Variants in ANKH observed in about 807,000 individuals in gnomAD.
ANKH encodes the protein mineralization regulator ANKH.
ANKH carries 15 observed loss-of-function variants against 49.0 expected under a neutral mutation model. The ratio of observed to expected loss-of-function variants is 0.31; its 90% CI spans 0.20 to 0.47. The LOEUF (loss-of-function observed/expected upper bound fraction) is 0.47. Among genes scored for constraint, ANKH ranks in the 20% least tolerant of loss-of-function variants. The probability of loss-of-function intolerance (pLI) is 1.00; values close to 1 mark genes in which losing one functional copy is unlikely to be tolerated. For missense variants in ANKH, 429 were observed against 652.0 expected (o/e 0.66, Z 3.72); for synonymous variants, 273 against 260.0 (o/e 1.05, Z -0.48).
chr5:14,871,072 T>C lies in ANKH; in HGVS notation c.96+280A>G, dbSNP rs977073380. 23 of 560,044 alleles carry C rather than the reference T, an allele frequency of 4.1e-5. No homozygotes were observed. The Admixed American group carries it at 5.1e-4, about 12-fold the overall frequency. 34.7% of individuals were successfully genotyped at this position (560,044 alleles called of 1,614,324 possible). On this transcript the variant is annotated intron_variant, in intron 1 of 11. Coordinates refer to ENST00000284268, the MANE Select transcript of ANKH (RefSeq NM_054027.6). The stretch of plus-strand genomic sequence containing the variant: ...GAGGTTTACATAATCGCAAATTACA[T>C]AATACTGCCGTGCACTAAAAACCCT...
intron 8 of ANKH, among the ~76,000 whole-genome samples, chr5:14,723,283 T>TAAAGTAAA (rs1737725549): frequency 6.6e-6 from 1 of 151,344 alleles, no homozygotes; most frequent in Non-Finnish European, 1.5e-5. Flanking sequence ...GTAATGTGAG[T>TAAAGTAAA]GAGGGTGAGG....
chr5:14,793,820 C>T (rs921712801), intron 1 of ANKH, among the ~76,000 whole-genome samples: 5 of 152,188 alleles, frequency 3.3e-5, no homozygotes, highest in Admixed American at 2.0e-4. Context: ...TTTGCTCTCT[C>T]GTGGGGCAGT....
At chr5:14,722,100 C>A (rs1235084314) in intron 8 of ANKH, among the ~76,000 whole-genome samples, 1 of 152,084 alleles carries the variant, frequency 6.6e-6, no homozygotes, top group East Asian at 1.9e-4. Context: ...TTTAGAAGTT[C>A]CCTTGACAAA....
intron 3 of ANKH, among the ~76,000 whole-genome samples, chr5:14,756,651 C>G (rs576941148): frequency 6.6e-6 from 1 of 152,206 alleles, no homozygotes; most frequent in South Asian, 2.1e-4. Flanking sequence ...AGATTTTGTA[C>G]AGCAACAGCT....
intron 1 of ANKH, among the ~76,000 whole-genome samples, chr5:14,816,790 G>C (rs1741052303): frequency 6.6e-6 from 1 of 152,102 alleles, no homozygotes; most frequent in Admixed American, 6.5e-5. Context: ...AGTCAACACT[G>C]CAAGCCACGA....
At chr5:14,861,123 A>C (rs1735475932) in intron 1 of ANKH, among the ~76,000 whole-genome samples, 1 of 152,152 alleles carries the variant, frequency 6.6e-6, no homozygotes, top group Non-Finnish European at 1.5e-5. Context: ...AAGCTTACTA[A>C]TGTGGACTCA....
chr5:14,835,118 G>T (rs1741615781), intron 1 of ANKH, among the ~76,000 whole-genome samples: 1 of 152,190 alleles, frequency 6.6e-6, no homozygotes, highest in Admixed American at 6.5e-5. Flanking sequence ...TTATGGTGAT[G>T]TAATCTTTAC....
At chr5:14,819,937 AC>A (rs1741153350) in intron 1 of ANKH, among the ~76,000 whole-genome samples, 1 of 145,872 alleles carries the variant, frequency 6.9e-6, no homozygotes, top group Non-Finnish European at 1.5e-5. Context: ...ACACACACAC[AC>A]ATTAAGCCTA....
chr5:14,870,787 GA>G (rs148679682), intron 1 of ANKH: 13 of 142,796 alleles, frequency 9.1e-5, no homozygotes, highest in African/African-American at 2.7e-4. Flanking sequence ...AAGAAAGAAA[GA>G]AAAAAAAAGA....
rs189882515 is a variant in ANKH at position 14,785,824 on chromosome 5, G to A, written c.97-16633C>T. 3.1e-3 allele frequency among the ~76,000 whole-genome samples: 469 copies of A among 152,170 alleles called. 2 individuals carry two copies. The highest frequency in any genetic ancestry group is 4.5e-3 in the Non-Finnish European group (306 of 68,006). On this transcript the variant is annotated intron_variant, in intron 1 of 11. Coordinates refer to ENST00000284268, the MANE Select transcript of ANKH (RefSeq NM_054027.6). ...AATCCCAGCACTTTGGGAGGCTGAGGTGGGTGGATTACAAGGTCAGGAGTT... is the reference window on the plus strand; with the variant it reads ...AATCCCAGCACTTTGGGAGGCTGAGATGGGTGGATTACAAGGTCAGGAGTT...
intron 8 of ANKH, among the ~76,000 whole-genome samples, chr5:14,728,403 G>A (rs1276122411): frequency 6.6e-6 from 1 of 152,188 alleles, no homozygotes; most frequent in Non-Finnish European, 1.5e-5. Flanking sequence ...TACTGTGAGG[G>A]GCACCAAATG....
chr5:14,771,582 G>A (rs1271275321), intron 1 of ANKH, among the ~76,000 whole-genome samples: 2 of 152,098 alleles, frequency 1.3e-5, no homozygotes, highest in African/African-American at 4.8e-5. Flanking sequence ...GTCAATATGG[G>A]TCTGATACGA....
rs998283347 is a variant in ANKH at position 14,745,671 on chromosome 5, G to C, written c.915+199C>G. 1.3e-5 allele frequency among the ~76,000 whole-genome samples: 2 copies of C among 152,174 alleles called. No individual in the cohort carries two copies. The highest frequency in any genetic ancestry group is 4.8e-5 in the African/African-American group (2 of 41,434). On this transcript the variant is annotated intron_variant, in intron 7 of 11. Transcript: ENST00000284268. The surrounding 1 kb of genome is among the most constrained non-coding windows in gnomAD (Gnocchi z 4.7). ...TGATCACTTTGGAAAAGCATCCTGG[G>C]ATCAGCGTCAAAGGTAAGCTTCAAC...
chr5:14,850,985 C>T (rs61394862), intron 1 of ANKH, among the ~76,000 whole-genome samples: 43,294 of 151,456 alleles, frequency 0.29, 6,235 homozygotes, highest in Admixed American at 0.35. Context: ...CAGGCAAAGG[C>T]GTGGTGATGT....
At chr5:14,773,238 T>A (rs1449410039) in intron 1 of ANKH, among the ~76,000 whole-genome samples, 2 of 152,122 alleles carry the variant, frequency 1.3e-5, no homozygotes, top group African/African-American at 4.8e-5. Flanking sequence ...TGCTTATTGC[T>A]CGAATGTGTT....
chr5:14,867,155 C>CA (rs774841903), intron 1 of ANKH, among the ~76,000 whole-genome samples: 2,476 of 66,640 alleles, frequency 0.037, 67 homozygotes, highest in Admixed American at 0.071. Flanking sequence ...GACTCAGTCT[C>CA]AAAAAAAAAA....
chr5:14,820,253 A>G (rs1056194310), intron 1 of ANKH, among the ~76,000 whole-genome samples: 1 of 152,190 alleles, frequency 6.6e-6, no homozygotes, highest in Admixed American at 6.5e-5. Flanking sequence ...TTTTAGTTTC[A>G]TGAATGAGAT....
At chr5:14,730,531 G>T (rs565177519) in intron 8 of ANKH, among the ~76,000 whole-genome samples, 1 of 152,244 alleles carries the variant, frequency 6.6e-6, no homozygotes, top group Admixed American at 6.5e-5. Flanking sequence ...GTGTGGAAGT[G>T]GGTACTGGGG....
At chr5:14,827,360 A>G (rs934144825) in intron 1 of ANKH, among the ~76,000 whole-genome samples, 3 of 152,210 alleles carry the variant, frequency 2.0e-5, no homozygotes, top group African/African-American at 7.2e-5. Context: ...CAGCCAAGGT[A>G]AGCTGATGAA....
Sources: gnomAD v4.1 joint callset for allele counts (sites outside exome capture counted in the v4.1 genomes callset) on GRCh38, gnomAD v4.1.1 for gene constraint, Gnocchi (gnomAD v3.1) non-coding constraint, MANE v1.5 for transcripts, NCBI Gene and HGNC (gene_info 2026-07-23, HGNC 2026-07-21) for gene names.